Variants in ACAT1 observed in about 807,000 individuals in gnomAD.
The protein encoded by ACAT1 is acetyl-CoA acetyltransferase, mitochondrial.
In ACAT1, 28 loss-of-function variants were observed where a neutral mutation model predicts 47.3. The ratio of observed to expected loss-of-function variants is 0.59; its 90% CI spans 0.44 to 0.81. The LOEUF (loss-of-function observed/expected upper bound fraction) is 0.81, where lower values mean the gene tolerates loss of function less well. ACAT1 is among the 30% of genes least tolerant of loss of function. ACAT1 has a pLI of 0.00. For missense variants in ACAT1, 469 were observed against 524.3 expected (o/e 0.89, Z 1.03); for synonymous variants, 181 against 173.6 (o/e 1.04, Z -0.34).
chr11:108,131,855 G>T (rs2077366224), intron 1 of ACAT1, 52 bp from the exon 2 acceptor site: 2 of 834,724 alleles, frequency 2.4e-6, no homozygotes, highest in Admixed American at 3.0e-5. Context: ...AATATAAAAT[G>T]ATATAGTTTA....
chr11:108,134,083 A>G lies in ACAT1; in HGVS notation c.239-138A>G, dbSNP rs578074515. On this transcript the variant is annotated intron_variant, in intron 3 of 11. Coordinates refer to ENST00000265838, the MANE Select transcript of ACAT1 (RefSeq NM_000019.4). ...TCCCTTGTAAAGAAGTCTTTGTACT[A>G]TACAGTTTAGATTGAAACTCAAAAC... The G allele has an allele frequency of 1.1e-3, 1,235 of 1,151,348 alleles. 20 individuals are homozygous for G. In the South Asian group the frequency reaches 0.016, roughly 15 times the overall value. 71.3% of individuals were successfully genotyped at this position (1,151,348 alleles called of 1,614,324 possible).
chr11:108,134,908 G>A (rs2077437854), intron 4 of ACAT1, among the ~76,000 whole-genome samples: 1 of 127,932 alleles, frequency 7.8e-6, no homozygotes, highest in South Asian at 2.4e-4. Flanking sequence ...TCGCGCCACT[G>A]CACGCCAGCT....
At chr11:108,125,477 G>T (rs1393136658) in intron 1 of ACAT1, among the ~76,000 whole-genome samples, 1 of 152,130 alleles carries the variant, frequency 6.6e-6, no homozygotes, top group Non-Finnish European at 1.5e-5. Flanking sequence ...ATGTTGGAGG[G>T]GTGGATAATA....
chr11:108,119,495 G>A (rs115263750), upstream of ACAT1, among the ~76,000 whole-genome samples: 3,828 of 152,218 alleles, frequency 0.025, 174 homozygotes, highest in African/African-American at 0.084. Flanking sequence ...GAGCGACCAC[G>A]CCCAGCCTAA....
upstream of ACAT1, chr11:108,121,553 G>A: frequency 6.5e-7 from 1 of 1,532,200 alleles, no homozygotes; most frequent in South Asian, 1.2e-5. Context: ...TGCGGGGTTG[G>A]GGAGGAGGCC....
At chr11:108,132,567 G>A (rs1365658898) in intron 2 of ACAT1, among the ~76,000 whole-genome samples, 1 of 151,900 alleles carries the variant, frequency 6.6e-6, no homozygotes, top group Non-Finnish European at 1.5e-5. Flanking sequence ...AGAAATTATG[G>A]CTCTGGGCCG....
intron 10 of ACAT1, 200 bp downstream of exon 10, chr11:108,144,247 A>C (rs531277690): frequency 8.2e-6 from 5 of 613,290 alleles, no homozygotes; most frequent in Non-Finnish European, 1.4e-5. Context: ...AACAGCTCAC[A>C]AACTACATCT....
intron 9 of ACAT1, chr11:108,143,282 T>C (rs2077629230): frequency 6.6e-6 from 1 of 152,182 alleles, no homozygotes; most frequent in Admixed American, 6.5e-5. Flanking sequence ...TGTCTCTTTT[T>C]CTTTTTTTTT....
chr11:108,124,163 C>T (rs564515789), intron 1 of ACAT1, among the ~76,000 whole-genome samples: 122 of 152,296 alleles, frequency 8.0e-4, no homozygotes, highest in Non-Finnish European at 1.3e-3. Flanking sequence ...TTGTGGTTCC[C>T]GCTTCTGCTG....
chr11:108,117,647 G>C (rs937042578), upstream of ACAT1, among the ~76,000 whole-genome samples: 2 of 152,092 alleles, frequency 1.3e-5, no homozygotes, highest in Non-Finnish European at 2.9e-5. Context: ...CTTTTGGAAG[G>C]ACACTGTTTA....
At chr11:108,144,264 GA>G in intron 10 of ACAT1, 1 of 582,022 alleles carries the variant, frequency 1.7e-6, no homozygotes, top group Non-Finnish European at 3.0e-6. Flanking sequence ...ATCTTCAGTA[GA>G]ACAGGTAAAA....
At chr11:108,118,358 G>C (rs977625194), upstream of ACAT1, among the ~76,000 whole-genome samples, 2 of 151,908 alleles carry the variant, frequency 1.3e-5, no homozygotes, top group African/African-American at 4.8e-5. Context: ...TTTCACAGAA[G>C]AAATGTTAAT....
rs1191437744 is a variant in ACAT1, at chr11:108,131,354, A to T, written c.73-553A>T. On this transcript the variant is annotated intron_variant, in intron 1 of 11. Transcript: ENST00000265838. ...AAGCTATATTTAAGAAAGACTTGGA[A>T]TTTTTTTTTTTTTTTTTTAGACAGT... is the stretch of plus-strand genomic sequence containing the variant. 1.3e-4 allele frequency among the ~76,000 whole-genome samples: 8 copies of T among 62,660 alleles called. No individual in the cohort carries two copies. The South Asian group carries it at 2.8e-3, about 22-fold the overall frequency. 41.1% of individuals were successfully genotyped at this position (62,660 alleles called of 152,430 possible).
chr11:108,121,253 C>T (rs2077141729), upstream of ACAT1: 1 of 415,402 alleles, frequency 2.4e-6, no homozygotes. Flanking sequence ...GCTGGGTAGG[C>T]CTAAGGGAAA....
In ACAT1 at chr11:108,143,968, C is replaced by CG. The variant is rs1565295906; in HGVS notation, c.941-15_941-14insG. 1 of 858,676 alleles carries CG rather than the reference C, an allele frequency of 1.2e-6. No individual in the cohort carries two copies. The highest frequency in any genetic ancestry group is 1.8e-5 in the African/African-American group (1 of 56,474). The allele number at this position is 858,676 out of a possible 1,614,324, so 53.2% of individuals were successfully genotyped here. A position where few individuals can be genotyped will look rare whatever the true frequency, so the allele number is the denominator to read the frequency against. ...AAAAGATTTTAACAACCCCCCCCCC[C>CG]CTTTTTTTAAACAGCATTTGCTGAC... On this transcript the variant is annotated splice_polypyrimidine_tract_variant and intron_variant, in intron 9 of 11. Transcript: ENST00000265838.
Position 108,147,467 on chromosome 11 carries a change from G to C in ACAT1, c.*77G>C, listed in dbSNP as rs1048002542. ...TAATCAGTGTGACTACTGTGGGTCA[G>C]CTTATATTCAGATAAGCTGTTTCAT... On this transcript the variant is annotated 3_prime_UTR_variant, in exon 12 of 12. Coordinates refer to ENST00000265838, the MANE Select transcript of ACAT1 (RefSeq NM_000019.4). The C allele has an allele frequency of 5.1e-6, 8 of 1,564,950 alleles. No individual in the cohort carries two copies. Among genetic ancestry groups the C allele is most frequent in the Non-Finnish European group, 7.0e-6 (8 of 1,142,704 alleles).
chr11:108,124,787 A>G (rs1477783079), intron 1 of ACAT1, among the ~76,000 whole-genome samples: 2 of 152,064 alleles, frequency 1.3e-5, no homozygotes, highest in African/African-American at 4.8e-5. Flanking sequence ...TTCTATACTT[A>G]GTATGTGTGC....
At chr11:108,121,834 T>G (rs975904935) in intron 1 of ACAT1, 156 bp downstream of exon 1, 2 of 755,456 alleles carry the variant, frequency 2.6e-6, no homozygotes. Context: ...AAAAACCGCC[T>G]AAGTGCTCCG....
chr11:108,133,909 T>G lies in ACAT1; in HGVS notation c.210T>G (p.Ile70Met), dbSNP rs1465674363. Residue 70 changes from isoleucine to methionine, a missense_variant, in exon 3 of 12, where the codon ATT (isoleucine) becomes ATG (methionine). Ile to Met is a conservative substitution (Grantham distance 10). Transcript: ENST00000265838. ...TGCCAGCCACTAAGCTTGGTTCCAT[T>G]GCAATTCAGGGAGCCATTGAAAAGG... is the stretch of plus-strand genomic sequence containing the variant. ...SLLPATKLGS[I>M]AIQGAIEKAG... 39 of 1,614,112 alleles carry G rather than the reference T, an allele frequency of 2.4e-5. No individual in the cohort carries two copies. The highest frequency in any genetic ancestry group is 3.3e-5 in the Non-Finnish European group (39 of 1,179,998).
Sources: gnomAD v4.1 joint callset for allele counts (sites outside exome capture counted in the v4.1 genomes callset) on GRCh38, gnomAD v4.1.1 for gene constraint, MANE v1.5 for transcripts, NCBI Gene and HGNC (gene_info 2026-07-23, HGNC 2026-07-21) for gene names.